TAF4B: variants seen among roughly 807,000 people sequenced by gnomAD.
TAF4B encodes the protein transcription initiation factor TFIID subunit 4B.
TAF4B carries 38 observed loss-of-function variants against 86.4 expected under a neutral mutation model. The observed-to-expected ratio is 0.44, with a 90% confidence interval of 0.34 to 0.58. TAF4B has a LOEUF of 0.58. Ranked by LOEUF, TAF4B falls within the 20% of genes least tolerant of loss-of-function variation. The pLI is 0.02. For missense variants in TAF4B, 988 were observed against 1,027.6 expected, an observed-to-expected ratio of 0.96 and a Z score of 0.53; for synonymous variants, 388 against 391.2, an observed-to-expected ratio of 0.99 and a Z score of 0.10.
At chr18:26,235,315 C>T (rs914976408) in intron 1 of TAF4B, among the ~76,000 whole-genome samples, 17 of 152,184 alleles carry the variant, frequency 1.1e-4, no homozygotes, top group Middle Eastern at 3.4e-3. Flanking sequence ...AAGGAACCCC[C>T]GCAACTGTTT....
intron 1 of TAF4B, among the ~76,000 whole-genome samples, chr18:26,260,135 T>G (rs1229695284): frequency 6.6e-6 from 1 of 152,162 alleles, no homozygotes; most frequent in Non-Finnish European, 1.5e-5. Context: ...GGGGTTTGTT[T>G]TTTTCTTGTA....
At chr18:26,257,302 GC>G (rs1366124489) in intron 1 of TAF4B, among the ~76,000 whole-genome samples, 1 of 152,066 alleles carries the variant, frequency 6.6e-6, no homozygotes, top group Non-Finnish European at 1.5e-5. Context: ...TGATCTGTTA[GC>G]CCCATCATTA....
intron 14 of TAF4B, among the ~76,000 whole-genome samples, chr18:26,367,661 C>G (rs2057380672): frequency 6.6e-6 from 1 of 152,162 alleles, no homozygotes; most frequent in Non-Finnish European, 1.5e-5. Context: ...AACCCTTAGC[C>G]CAGTCAAGTT....
chr18:26,337,267 C>T (rs77380883), intron 13 of TAF4B, among the ~76,000 whole-genome samples: 2,683 of 152,198 alleles, frequency 0.018, 61 homozygotes, highest in African/African-American at 0.061. Flanking sequence ...TGGTGAAAGT[C>T]AAATATTGTC....
At chr18:26,232,586 G>C (rs746319815) in intron 1 of TAF4B, among the ~76,000 whole-genome samples, 4 of 152,180 alleles carry the variant, frequency 2.6e-5, no homozygotes, top group Non-Finnish European at 5.9e-5. Flanking sequence ...CAGAGGTTGG[G>C]ATGAGTTTGA....
chr18:26,233,821 T>C (rs564175538), intron 1 of TAF4B, among the ~76,000 whole-genome samples: 1 of 152,330 alleles, frequency 6.6e-6, no homozygotes, highest in Non-Finnish European at 1.5e-5. Flanking sequence ...GGGTGAAGTC[T>C]AACTGCCAGT....
chr18:26,335,131 C>A, intron 12 of TAF4B, 44 bp from the exon 13 acceptor site: 1 of 1,356,142 alleles, frequency 7.4e-7, no homozygotes, highest in Non-Finnish European at 1.1e-6. Flanking sequence ...CTATGGTGTT[C>A]AGATGCTAGT....
At chr18:26,371,238 A>G (rs557417547) in intron 14 of TAF4B, among the ~76,000 whole-genome samples, 12 of 152,256 alleles carry the variant, frequency 7.9e-5, no homozygotes, top group South Asian at 2.1e-4. Context: ...TTAGATGACA[A>G]TAAGTCTGTT....
intron 1 of TAF4B, among the ~76,000 whole-genome samples, chr18:26,230,494 G>A (rs1272965125): frequency 6.6e-6 from 1 of 152,140 alleles, no homozygotes; most frequent in Non-Finnish European, 1.5e-5. Context: ...ATTCTTTTCA[G>A]TGTTCACCAT....
At chr18:26,315,485 C>A in intron 10 of TAF4B, 87 bp downstream of exon 10, 1 of 992,822 alleles carries the variant, frequency 1.0e-6, no homozygotes, top group Non-Finnish European at 1.4e-6. Flanking sequence ...GGTTGGTTGT[C>A]CTGGAACTCT....
rs2056521975 is a variant in TAF4B at position 26,286,295 on chromosome 18, AAC to A, written c.1389_1390del (p.Leu464ValfsTer32). ...EKPVVSGTAV[T>X]LSLPAVTFGE... is the part of the protein sequence containing the mutation. ...AGCCAGTTGTCTCTGGAACAGCAGT[AAC>A]ACTGTCCCTTCCAGCAGTAACTTTT... On this transcript the variant is annotated frameshift_variant, in exon 7 of 15. Coordinates refer to ENST00000269142, the MANE Select transcript of TAF4B (RefSeq NM_005640.3). LOFTEE classifies it high-confidence loss of function. 3 of 1,614,138 alleles carry A rather than the reference AAC, an allele frequency of 1.9e-6. No homozygotes were observed. Among genetic ancestry groups the A allele is most frequent in the Non-Finnish European group, 2.5e-6 (3 of 1,180,048 alleles).
Position 26,286,414 on chromosome 18 carries a change from C to G in TAF4B, c.1505C>G (p.Thr502Ser). 1 of 1,614,200 alleles carries G rather than the reference C, an allele frequency of 6.2e-7. No homozygotes were observed. The highest frequency in any genetic ancestry group is 8.5e-7 in the Non-Finnish European group (1 of 1,180,038). ...ACATCTGACAAGCCTGTTATTGGGA[C>G]TCCAGTTCAAATCAAACTTGCCCAG... ...GTTSDKPVIG[T>S]PVQIKLAQPG... The change falls in exon 7 of 15, where the codon ACT becomes AGT. Residue 502 changes from threonine (T) to serine (S), a missense_variant. Transcript: ENST00000269142.
chr18:26,368,679 A>G (rs895832806), intron 14 of TAF4B, among the ~76,000 whole-genome samples: 2 of 151,942 alleles, frequency 1.3e-5, no homozygotes, highest in African/African-American at 4.8e-5. Flanking sequence ...ACATGCCGTT[A>G]CCTTAGACAA....
chr18:26,278,930 T>G (rs2056414158), intron 5 of TAF4B, among the ~76,000 whole-genome samples: 1 of 151,934 alleles, frequency 6.6e-6, no homozygotes, highest in African/African-American at 2.4e-5. Flanking sequence ...CAACATCATA[T>G]TGAATGGGCA....
chr18:26,310,858 A>G lies in TAF4B; in HGVS notation c.1833-4371A>G, dbSNP rs560589624. 7.9e-5 allele frequency among the ~76,000 whole-genome samples: 12 copies of G among 151,768 alleles called. No homozygotes were observed. The South Asian group carries it at 2.3e-3, about 29-fold the overall frequency. On this transcript the variant is annotated intron_variant, in intron 9 of 14. Transcript: ENST00000269142. ...GTATTTTTTTTTTCTTGGGTACAGT[A>G]TACTTTATTGATGGTACATGACAAG...
intron 9 of TAF4B, 80 bp downstream of exon 9, chr18:26,293,611 T>C: frequency 1.2e-6 from 1 of 803,790 alleles, no homozygotes; most frequent in Non-Finnish European, 1.9e-6. Flanking sequence ...AATACCTTAC[T>C]AAAATAGATA....
chr18:26,239,543 T>C (rs1267241470), intron 1 of TAF4B, among the ~76,000 whole-genome samples: 1 of 152,258 alleles, frequency 6.6e-6, no homozygotes, highest in Non-Finnish European at 1.5e-5. Flanking sequence ...AGGTTGCCTG[T>C]TCACTCTGAT....
chr18:26,235,236 T>G (rs2055731326), intron 1 of TAF4B, among the ~76,000 whole-genome samples: 1 of 152,160 alleles, frequency 6.6e-6, no homozygotes, highest in Non-Finnish European at 1.5e-5. Flanking sequence ...TCTCCTTGAT[T>G]AGCATATAGA....
chr18:26,267,681 T>G (rs2056259931), intron 3 of TAF4B, 58 bp downstream of exon 3: 6 of 1,196,012 alleles, frequency 5.0e-6, no homozygotes, highest in Non-Finnish European at 7.5e-6. Flanking sequence ...AAAAAATCAT[T>G]TAGCTATCTC....
Sources: allele counts gnomAD v4.1 joint callset (sites outside exome capture counted in the v4.1 genomes callset), GRCh38; gene constraint gnomAD v4.1.1; transcripts MANE v1.5; gene names NCBI Gene and HGNC (gene_info 2026-07-23, HGNC 2026-07-21).